Variants in EFCAB13 observed in about 807,000 individuals in gnomAD.
EFCAB13 encodes EF-hand calcium-binding domain-containing protein 13.
In EFCAB13, 91 loss-of-function variants were observed where a neutral mutation model predicts 110.2. The observed-to-expected ratio is 0.83, with a 90% CI of 0.70 to 0.98. EFCAB13 has a LOEUF of 0.98. EFCAB13 is among the 50% of genes least tolerant of loss of function. The pLI is 0.00. For missense variants in EFCAB13, 968 were observed against 1,119.4 expected, an observed-to-expected ratio of 0.86 and a Z score of 1.93; for synonymous variants, 323 against 369.9, an observed-to-expected ratio of 0.87 and a Z score of 1.45.
chr17:47,423,760 C>T (rs1442254222), intron 23 of EFCAB13, among the ~76,000 whole-genome samples: 1 of 151,980 alleles, frequency 6.6e-6, no homozygotes, highest in Non-Finnish European at 1.5e-5. Flanking sequence ...CGGTGCAGCA[C>T]CTGAAGCGGT....
chr17:47,403,385 T>A lies in EFCAB13; in HGVS notation c.2018-493T>A, dbSNP rs550489539. Among the ~76,000 whole-genome samples, 9 of 152,316 alleles carry A rather than the reference T, an allele frequency of 5.9e-5. No individual in the cohort carries two copies. The South Asian group carries it at 1.9e-3, about 32-fold the overall frequency. On this transcript the variant is annotated intron_variant, in intron 18 of 24. Transcript: ENST00000331493. Reference sequence around the variant, plus strand: ...TTGCACAGTTCCAGGTTACAAATCCTGGAGCCAGACTTTGAATGCTGGTCT... The same window carrying A: ...TTGCACAGTTCCAGGTTACAAATCCAGGAGCCAGACTTTGAATGCTGGTCT...
intron 23 of EFCAB13, among the ~76,000 whole-genome samples, chr17:47,420,642 C>G (rs1904639812): frequency 1.3e-5 from 2 of 152,126 alleles, no homozygotes; most frequent in Non-Finnish European, 1.5e-5. Context: ...GGCCGCGACC[C>G]CGTGTGGGAG....
intron 11 of EFCAB13, among the ~76,000 whole-genome samples, chr17:47,374,165 T>C (rs953476918): frequency 5.9e-5 from 9 of 152,178 alleles, no homozygotes; most frequent in Non-Finnish European, 1.3e-4. Context: ...TAATCTATTA[T>C]CTTTGTCAAT....
At chr17:47,393,209 T>C (rs2065717692) in intron 15 of EFCAB13, among the ~76,000 whole-genome samples, 1 of 152,206 alleles carries the variant, frequency 6.6e-6, no homozygotes, top group East Asian at 1.9e-4. Flanking sequence ...CATGCCTGGC[T>C]CATGACATAC....
intron 10 of EFCAB13, among the ~76,000 whole-genome samples, chr17:47,361,731 G>A (rs2065514682): frequency 6.6e-6 from 1 of 152,074 alleles, no homozygotes; most frequent in Non-Finnish European, 1.5e-5. Context: ...TTATAGTTTG[G>A]TATGTTTGGT....
intron 14 of EFCAB13, among the ~76,000 whole-genome samples, chr17:47,388,753 T>C (rs1389785161): frequency 1.3e-5 from 2 of 152,194 alleles, no homozygotes; most frequent in Non-Finnish European, 2.9e-5. Context: ...TACACTTTTA[T>C]TTCTCTTGGG....
intron 10 of EFCAB13, among the ~76,000 whole-genome samples, chr17:47,368,968 G>A (rs1360902421): frequency 6.6e-6 from 1 of 152,176 alleles, no homozygotes; most frequent in Non-Finnish European, 1.5e-5. Flanking sequence ...GGATGCCAAT[G>A]ATGTACCAAT....
In EFCAB13 at chr17:47,409,661, G is replaced by A. The variant is rs769026821; in HGVS notation, c.2248G>A (p.Ala750Thr). The A allele has an allele frequency of 1.2e-6, 2 of 1,611,330 alleles. No individual in the cohort carries two copies. Among genetic ancestry groups the A allele is most frequent in the East Asian group, 2.2e-5 (1 of 44,780 alleles). Residue 750 changes from alanine (A) to threonine (T), a missense_variant, in exon 21 of 25, where the codon GCT becomes ACT. Ala to Thr is a moderately conservative substitution (Grantham distance 58, BLOSUM62 0). Transcript: ENST00000331493. ...TAAATTTGCAGATTTCAGGAAAGAG[G>A]CTTCAAATCTAAAATTACCAAAGGT... is the stretch of plus-strand genomic sequence containing the variant. ...FSNYIDFRKE[A>T]SNLKLPKVNE...
At chr17:47,328,479 G>A in intron 4 of EFCAB13, 96 bp downstream of exon 4, 1 of 1,004,368 alleles carries the variant, frequency 1.0e-6, no homozygotes, top group Non-Finnish European at 1.5e-6. Flanking sequence ...CAAATTCATA[G>A]AGTAATAGTT....
Position 47,404,569 on chromosome 17 carries a change from C to G in EFCAB13, c.2169C>G (p.Asn723Lys). The G allele has an allele frequency of 6.2e-7, 1 of 1,611,826 alleles. No homozygotes were observed. Among genetic ancestry groups the G allele is most frequent in the South Asian group, 1.1e-5 (1 of 90,746 alleles). The change falls in exon 20 of 25, where the codon AAC (asparagine) becomes AAG (lysine). Residue 723 changes from asparagine (N) to lysine (K), a missense_variant. Asn to Lys is a moderately conservative substitution (Grantham distance 94). Coordinates refer to ENST00000331493, the MANE Select transcript of EFCAB13 (RefSeq NM_152347.5). Reference protein sequence around the residue: ...ILQSDFVSEDNMVNIKDCMRA... With the variant: ...ILQSDFVSEDKMVNIKDCMRA... ...TCTCTCTTTTCCTTGCAGAAGATAA[C>G]ATGGTGAACATTAAAGACTGTATGA...
chr17:47,364,243 T>C (rs902072730), intron 10 of EFCAB13, among the ~76,000 whole-genome samples: 1 of 152,222 alleles, frequency 6.6e-6, no homozygotes, highest in Non-Finnish European at 1.5e-5. Context: ...AGTTCCCTTA[T>C]TTAAAGTCTT....
intron 4 of EFCAB13, among the ~76,000 whole-genome samples, chr17:47,334,160 G>A (rs1328413148): frequency 6.6e-6 from 1 of 151,654 alleles, no homozygotes; most frequent in African/African-American, 2.4e-5. Flanking sequence ...CATTCTAACA[G>A]GTATGTAATG....
chr17:47,402,263 T>C, intron 18 of EFCAB13, 60 bp downstream of exon 18: 1 of 1,504,004 alleles, frequency 6.6e-7, no homozygotes, highest in South Asian at 1.1e-5. Flanking sequence ...CTTGCTTTTG[T>C]TTTTGTTTTT....
At chr17:47,405,173 A>C (rs748532964) in intron 20 of EFCAB13, among the ~76,000 whole-genome samples, 1 of 152,166 alleles carries the variant, frequency 6.6e-6, no homozygotes, top group Non-Finnish European at 1.5e-5. Context: ...ATAATGTTAT[A>C]CTAGAGGAAT....
At chr17:47,343,450 A>G (rs981125435) in intron 6 of EFCAB13, among the ~76,000 whole-genome samples, 1 of 151,920 alleles carries the variant, frequency 6.6e-6, no homozygotes, top group Non-Finnish European at 1.5e-5. Context: ...TTCACTGGGG[A>G]ATAAGTTTTT....
intron 10 of EFCAB13, among the ~76,000 whole-genome samples, chr17:47,362,576 AT>A (rs2065521399): frequency 6.6e-6 from 1 of 152,074 alleles, no homozygotes; most frequent in South Asian, 2.1e-4. Flanking sequence ...GGCCTGACTG[AT>A]GTCAGGCCTG....
intron 10 of EFCAB13, among the ~76,000 whole-genome samples, chr17:47,369,348 T>C (rs1345511375): frequency 6.6e-6 from 1 of 152,210 alleles, no homozygotes; most frequent in African/African-American, 2.4e-5. Flanking sequence ...TGTGTATTTT[T>C]TTCCAAGGCG....
At chr17:47,369,666 CTG>C (rs2065570380) in intron 10 of EFCAB13, 3 of 152,176 alleles carry the variant, frequency 2.0e-5, no homozygotes, top group Admixed American at 1.3e-4. Context: ...TATGAATAGA[CTG>C]AAGAAAAAAC....
chr17:47,344,256 C>T lies in EFCAB13; in HGVS notation c.398C>T (p.Thr133Ile), dbSNP rs757961619. Residue 133 changes from threonine (T) to isoleucine (I), a missense_variant, in exon 7 of 25, where the codon ACT (threonine) becomes ATT (isoleucine). Transcript: ENST00000331493. Reference sequence around the variant, plus strand: ...CCGAATCAGTACAGCGTTCACAAGACTTCATCACCTCTTTGTACATCTTCT... The same window carrying T: ...CCGAATCAGTACAGCGTTCACAAGATTTCATCACCTCTTTGTACATCTTCT... ...KLPNQYSVHK[T>I]SSPLCTSSAI... 5.0e-6 allele frequency: 8 copies of T among 1,607,960 alleles called. No homozygotes were observed. Among genetic ancestry groups the T allele is most frequent in the South Asian group, 1.1e-5 (1 of 90,828 alleles).
Sources: gnomAD v4.1 joint callset for allele counts (sites outside exome capture counted in the v4.1 genomes callset) on GRCh38, gnomAD v4.1.1 for gene constraint, MANE v1.5 for transcripts, NCBI Gene and HGNC (gene_info 2026-07-23, HGNC 2026-07-21) for gene names.